USP3: variants seen among roughly 807,000 people sequenced by gnomAD.
The protein encoded by USP3 is ubiquitin carboxyl-terminal hydrolase 3.
USP3 carries 20 observed loss-of-function variants against 72.3 expected under a neutral mutation model. That is an observed-to-expected ratio of 0.28 (90% CI 0.19 to 0.40). The LOEUF (loss-of-function observed/expected upper bound fraction) is 0.40, where lower values mean the gene tolerates loss of function less well. USP3 is among the 10% of genes least tolerant of loss of function. The probability of loss-of-function intolerance (pLI) is 1.00; values close to 1 mark genes in which losing one functional copy is unlikely to be tolerated. For missense variants in USP3, 479 were observed against 633.9 expected, an observed-to-expected ratio of 0.76 and a Z score of 2.62; for synonymous variants, 222 against 225.3, an observed-to-expected ratio of 0.99 and a Z score of 0.13.
In USP3 at chr15:63,520,554, A is replaced by ATTTTTTTTTTTTT. The variant is rs35244583; in HGVS notation, c.92-12078_92-12066dup. On this transcript the variant is annotated intron_variant, in intron 1 of 14. Transcript: ENST00000380324. ...TTTGTTTGTTTGATTTCTGTTTTAGATTTTTTTTTTTTTTTTTTTTTTTTT... is the reference window on the plus strand; with the variant it reads ...TTTGTTTGTTTGATTTCTGTTTTAGATTTTTTTTTTTTTTTTTTTTTTTTTTTTTTTTTTTTTT... Among the ~76,000 whole-genome samples, 13 of 105,424 alleles carry ATTTTTTTTTTTTT rather than the reference A, an allele frequency of 1.2e-4. 6 individuals are homozygous for ATTTTTTTTTTTTT. Among genetic ancestry groups the ATTTTTTTTTTTTT allele is most frequent in the Non-Finnish European group, 5.6e-5 (3 of 53,948 alleles). 69.2% of individuals were successfully genotyped at this position (105,424 alleles called of 152,430 possible).
chr15:63,543,304 A>G (rs892248590), intron 3 of USP3, among the ~76,000 whole-genome samples: 1 of 152,186 alleles, frequency 6.6e-6, no homozygotes, highest in South Asian at 2.1e-4. Context: ...AACATTAAAA[A>G]AAAAAGACAC....
intron 14 of USP3, 114 bp from the exon 15 acceptor site, chr15:63,590,547 A>C (rs942777183): frequency 1.0e-5 from 11 of 1,051,418 alleles, no homozygotes; most frequent in Non-Finnish European, 1.4e-5. Flanking sequence ...AAGCATCTTA[A>C]ATCAAAAGTC....
chr15:63,575,910 A>G (rs546008485), intron 11 of USP3, among the ~76,000 whole-genome samples: 4 of 152,178 alleles, frequency 2.6e-5, no homozygotes, highest in Admixed American at 6.5e-5. Flanking sequence ...AAACTCTTCA[A>G]TAAGAACAGT....
In USP3 at chr15:63,570,644, T is replaced by C. The variant is rs766689293; in HGVS notation, c.908+65T>C. 7.1e-5 allele frequency: 109 copies of C among 1,545,188 alleles called. No individual in the cohort carries two copies. In the Middle Eastern group the frequency reaches 1.4e-3, roughly 20 times the overall value. On this transcript the variant is annotated intron_variant, in intron 9 of 14. Transcript: ENST00000380324. The surrounding 1 kb of genome is among the most constrained non-coding windows in gnomAD (Gnocchi z 4.4). Reference sequence around the variant, plus strand: ...GACATTTCTTTTGGTGTTAATTATGTGTTAGATTTATAACGGAAGGTAGAG... The same window carrying C: ...GACATTTCTTTTGGTGTTAATTATGCGTTAGATTTATAACGGAAGGTAGAG...
In USP3 at chr15:63,544,160, G is replaced by A. The variant is rs996158362; in HGVS notation, c.284+7004G>A. On this transcript the variant is annotated intron_variant, in intron 3 of 14. Coordinates refer to ENST00000380324, the MANE Select transcript of USP3 (RefSeq NM_006537.4). The surrounding 1 kb of genome is among the most constrained non-coding windows in gnomAD (Gnocchi z 4.2). Reference sequence around the variant, plus strand: ...CATTCTTTAAAAATTATTCTTTTTTGTAATATATAATTTAGATTTAATTGT... The same window carrying A: ...CATTCTTTAAAAATTATTCTTTTTTATAATATATAATTTAGATTTAATTGT... 4 of 147,584 alleles carry A rather than the reference G, an allele frequency of 2.7e-5. No homozygotes were observed. The highest frequency in any genetic ancestry group is 6.8e-5 in the Admixed American group (1 of 14,742). 9.1% of individuals were successfully genotyped at this position (147,584 alleles called of 1,614,324 possible).
Position 63,504,603 on chromosome 15 carries a change from C to A in USP3, c.-137C>A. ...GTCCGGAAGCCCGTGCTTTCTTTGA[C>A]GCAAGGGCTCGAGACGCAGCCGCCG... is the stretch of plus-strand genomic sequence containing the variant. On this transcript the variant is annotated 5_prime_UTR_variant, in exon 1 of 15. Coordinates refer to ENST00000380324, the MANE Select transcript of USP3 (RefSeq NM_006537.4). The A allele has an allele frequency of 1.5e-6, 1 of 645,662 alleles. No individual in the cohort carries two copies. The highest frequency in any genetic ancestry group is 2.4e-6 in the Non-Finnish European group (1 of 411,542). The allele number at this position is 645,662 out of a possible 1,614,324, so 40.0% of individuals were successfully genotyped here.
chr15:63,585,280 G>C (rs2067036915), intron 11 of USP3, among the ~76,000 whole-genome samples: 1 of 152,144 alleles, frequency 6.6e-6, no homozygotes, highest in Non-Finnish European at 1.5e-5. Context: ...TTGGGATTTT[G>C]AGAAGAATTG....
At chr15:63,506,309 C>T (rs1028728006) in intron 1 of USP3, among the ~76,000 whole-genome samples, 10 of 152,022 alleles carry the variant, frequency 6.6e-5, no homozygotes, top group African/African-American at 2.4e-4. Flanking sequence ...TTAGCTATAA[C>T]TGTAGCCATT....
At chr15:63,517,790 T>C (rs1249153575) in intron 1 of USP3, among the ~76,000 whole-genome samples, 1 of 152,198 alleles carries the variant, frequency 6.6e-6, no homozygotes, top group Non-Finnish European at 1.5e-5. Flanking sequence ...GCTGTGTCCC[T>C]ATACCTAGAG....
chr15:63,578,293 A>G (rs1482762761), intron 11 of USP3, among the ~76,000 whole-genome samples: 1 of 151,418 alleles, frequency 6.6e-6, no homozygotes, highest in Non-Finnish European at 1.5e-5. Flanking sequence ...GAAAAGAAAA[A>G]ACTTTTATTA....
Position 63,588,679 on chromosome 15 carries a change from T to C in USP3, c.1216-23T>C. On this transcript the variant is annotated intron_variant, in intron 12 of 14. Coordinates refer to ENST00000380324, the MANE Select transcript of USP3 (RefSeq NM_006537.4). The surrounding 1 kb of genome is among the most constrained non-coding windows in gnomAD (Gnocchi z 4.6). Reference sequence around the variant, plus strand: ...AAGGTAAATTAGGTGTTCACAATCTTTGACCGCATCTCTGTCCTCCAGGTG... The same window carrying C: ...AAGGTAAATTAGGTGTTCACAATCTCTGACCGCATCTCTGTCCTCCAGGTG... 1.3e-5 allele frequency: 20 copies of C among 1,562,504 alleles called. No homozygotes were observed. Among genetic ancestry groups the C allele is most frequent in the Non-Finnish European group, 1.8e-5 (20 of 1,136,020 alleles).
rs140129953 is a variant in USP3 at position 63,580,063 on chromosome 15, T to C, written c.1096+5660T>C. On this transcript the variant is annotated intron_variant, in intron 11 of 14. Coordinates refer to ENST00000380324, the MANE Select transcript of USP3 (RefSeq NM_006537.4). ...GTAAAAGATTTTAAACACTTTGTTA[T>C]TGAAAAAAATCAAACAATTTAAATG... Among the ~76,000 whole-genome samples, 379 of 152,286 alleles carry C rather than the reference T, an allele frequency of 2.5e-3. 2 individuals are homozygous for C. Among genetic ancestry groups the C allele is most frequent in the African/African-American group, 8.4e-3 (349 of 41,566 alleles).
At chr15:63,548,282 C>T (rs1035483164) in intron 3 of USP3, among the ~76,000 whole-genome samples, 3 of 151,938 alleles carry the variant, frequency 2.0e-5, no homozygotes, top group African/African-American at 7.2e-5. Context: ...TACAGGTGCA[C>T]ACCATCATGC....
Position 63,559,909 on chromosome 15 carries a change from A to G in USP3, c.586A>G (p.Arg196Gly). 2 of 1,614,128 alleles carry G rather than the reference A, an allele frequency of 1.2e-6. No homozygotes were observed. The highest frequency in any genetic ancestry group is 1.7e-6 in the Non-Finnish European group (2 of 1,179,982). The change falls in exon 7 of 15, where the codon AGG (arginine) becomes GGG (glycine). Residue 196 changes from arginine (R) to glycine (G), a missense_variant. Coordinates refer to ENST00000380324, the MANE Select transcript of USP3 (RefSeq NM_006537.4). ...YFKELPAVEL[R>G]NGKTAGRRTY... ...CAAAGAACTGCCCGCCGTGGAGTTA[A>G]GGAATGGGAAAACAGCAGGAAGGCG...
intron 11 of USP3, among the ~76,000 whole-genome samples, chr15:63,575,367 A>G (rs2066846734): frequency 6.6e-6 from 1 of 152,152 alleles, no homozygotes; most frequent in Non-Finnish European, 1.5e-5. Context: ...CCTAGTAGAA[A>G]TAAAACTTTT....
At chr15:63,510,369 G>C (rs1387491682) in intron 1 of USP3, among the ~76,000 whole-genome samples, 1 of 151,116 alleles carries the variant, frequency 6.6e-6, no homozygotes, top group Non-Finnish European at 1.5e-5. Context: ...TCTTGAGCTT[G>C]TTTGTTTGTT....
chr15:63,541,382 A>T (rs764700857), intron 3 of USP3, among the ~76,000 whole-genome samples: 1 of 152,192 alleles, frequency 6.6e-6, no homozygotes, highest in Non-Finnish European at 1.5e-5. Context: ...TAAAAATTTT[A>T]AAAAAGGAAA....
rs76878558 is a variant in USP3 at position 63,580,524 on chromosome 15, T to C, written c.1096+6121T>C. Among the ~76,000 whole-genome samples, 61 of 151,246 alleles carry C rather than the reference T, an allele frequency of 4.0e-4. No individual in the cohort carries two copies. The East Asian group carries it at 4.6e-3, about 11-fold the overall frequency. On this transcript the variant is annotated intron_variant, in intron 11 of 14. Transcript: ENST00000380324. ...ATAACTAACTTCAACAAACCAGCTT[T>C]ATTTCCTGCTTTCCATAGAGATGCT...
intron 2 of USP3, among the ~76,000 whole-genome samples, chr15:63,535,845 T>C (rs2066147493): frequency 6.6e-6 from 1 of 152,226 alleles, no homozygotes; most frequent in Non-Finnish European, 1.5e-5. Context: ...GATGAAAATG[T>C]CATCTAACTC....
Sources: gnomAD v4.1 joint callset for allele counts (sites outside exome capture counted in the v4.1 genomes callset) on GRCh38, gnomAD v4.1.1 for gene constraint, Gnocchi (gnomAD v3.1) non-coding constraint, MANE v1.5 for transcripts, NCBI Gene and HGNC (gene_info 2026-07-23, HGNC 2026-07-21) for gene names.